Variants in HSPG2 observed in about 807,000 individuals in gnomAD.
The protein encoded by HSPG2 is basement membrane-specific heparan sulfate proteoglycan core protein.
A neutral mutation model predicts 526.6 loss-of-function variants in HSPG2; 278 were observed. That is an observed-to-expected ratio of 0.53 (90% confidence interval 0.48 to 0.58). The LOEUF (loss-of-function observed/expected upper bound fraction) is 0.58, where lower values mean the gene tolerates loss of function less well. HSPG2 is among the 20% of genes least tolerant of loss of function. The pLI is 0.00. For missense variants in HSPG2, 5,354 were observed against 6,099.5 expected (o/e 0.88, Z 4.07); for synonymous variants, 2,465 against 2,555.4 (o/e 0.96, Z 1.07).
rs1271545054 is a variant in HSPG2, at chr1:21,833,381, C to T, written c.10982G>A (p.Arg3661Gln). The change falls in exon 80 of 97, where the codon CGG becomes CAG. Residue 3661 changes from arginine to glutamine, a missense_variant. Physicochemically the swap from Arg to Gln is conservative, Grantham distance 43 (BLOSUM62 1). Transcript: ENST00000374695. The stretch of plus-strand genomic sequence containing the variant: ...GGTCTGCGTGAAGTAGGGCACCACC[C>T]GCTCTGCCAGCAGAGAGCACAGCTG... ...KAFAHLQVPE[R>Q]VVPYFTQTPY... is the part of the protein sequence containing the mutation. 1.9e-6 allele frequency: 3 copies of T among 1,614,124 alleles called. No homozygotes were observed. Among genetic ancestry groups the T allele is most frequent in the South Asian group, 1.1e-5 (1 of 91,072 alleles).
At chr1:21,834,141 A>T (rs985564464) in intron 77 of HSPG2, among the ~76,000 whole-genome samples, 9 of 152,178 alleles carry the variant, frequency 5.9e-5, no homozygotes, top group African/African-American at 1.9e-4. Context: ...TTCACTCCAC[A>T]GCCTGAGACC....
chr1:21,888,694 G>A (rs761621726), intron 6 of HSPG2: 56 of 1,365,484 alleles, frequency 4.1e-5, no homozygotes, highest in Non-Finnish European at 5.5e-5. Context: ...CGCCACAGCG[G>A]CCGGCGGGGG....
chr1:21,842,069 C>A lies in HSPG2; in HGVS notation c.9126G>T (p.Lys3042Asn), dbSNP rs2098050849. 1.2e-6 allele frequency: 2 copies of A among 1,613,634 alleles called. No homozygotes were observed. Among genetic ancestry groups the A allele is most frequent in the Non-Finnish European group, 1.7e-6 (2 of 1,180,016 alleles). Reference protein sequence around the residue: ...TVQQGQDASFKCLIHDGAAPI... With the variant: ...TVQQGQDASFNCLIHDGAAPI... ...GGGCTGCCCCGTCATGGATGAGGCA[C>A]TTGAAGCTGGCATCCTGGCCCTGCT... The change falls in exon 69 of 97, where the codon AAG becomes AAT. Residue 3042 changes from lysine (K) to asparagine (N), a missense_variant. Coordinates refer to ENST00000374695, the MANE Select transcript of HSPG2 (RefSeq NM_005529.7).
In HSPG2 at chr1:21,895,901, A is replaced by G; in HGVS notation, c.244+21T>C. The G allele has an allele frequency of 6.2e-7, 1 of 1,612,980 alleles. No individual in the cohort carries two copies. ...CCTGGGGGACAGGAGGGAGACCTGC[A>G]GGAGGCCTGCAGCAACTTACCCATC... On this transcript the variant is annotated intron_variant, in intron 3 of 96. Coordinates refer to ENST00000374695, the MANE Select transcript of HSPG2 (RefSeq NM_005529.7). This position sits in a 1 kb window ranked among gnomAD's most constrained non-coding sequence, Gnocchi z 4.1.
rs768516414 is a variant in HSPG2 at position 21,874,658 on chromosome 1, A to G, written c.3486T>C (p.His1162=). ...YLGTCERCSC[H]GHSEACEPET... The stretch of plus-strand genomic sequence containing the variant: ...CTGGCTCGCAGGCCTCTGAGTGGCC[A>G]TGGCAGCTGCAGCGTTCACAGGTAC... Residue 1162 remains histidine, a synonymous_variant, in exon 27 of 97, where the codon CAT becomes CAC. Coordinates refer to ENST00000374695, the MANE Select transcript of HSPG2 (RefSeq NM_005529.7). 2.0e-5 allele frequency: 33 copies of G among 1,613,300 alleles called. No individual in the cohort carries two copies. The highest frequency in any genetic ancestry group is 2.8e-5 in the Non-Finnish European group (33 of 1,179,666).
chr1:21,837,254 G>T (rs2098030180), intron 74 of HSPG2, among the ~76,000 whole-genome samples: 1 of 152,184 alleles, frequency 6.6e-6, no homozygotes, highest in Non-Finnish European at 1.5e-5. Flanking sequence ...TTCTGGGTGG[G>T]GAGGGCAGGC....
chr1:21,908,064 G>A (rs748356166), intron 1 of HSPG2: 15 of 749,124 alleles, frequency 2.0e-5, no homozygotes, highest in South Asian at 6.7e-5. Context: ...GCTGCCTTTC[G>A]GCCGGAACCG....
In HSPG2 at chr1:21,865,258, GAC is replaced by G. The variant is rs1557745043; in HGVS notation, c.4395+25_4395+26del. 1.2e-6 allele frequency: 2 copies of G among 1,609,800 alleles called. No homozygotes were observed. The highest frequency in any genetic ancestry group is 4.5e-5 in the East Asian group (2 of 44,838). The stretch of plus-strand genomic sequence containing the variant: ...CAGGGTGGAGGGTGGGGTGGGGTTA[GAC>G]ACAGCATGGCCAGGTGCCCCTTACC... On this transcript the variant is annotated intron_variant, in intron 35 of 96. Coordinates refer to ENST00000374695, the MANE Select transcript of HSPG2 (RefSeq NM_005529.7). The surrounding 1 kb of genome is among the most constrained non-coding windows in gnomAD (Gnocchi z 5.4).
chr1:21,855,872 C>CGGAT lies in HSPG2; in HGVS notation c.5612_5615dup (p.Pro1873SerfsTer113). 6.2e-7 allele frequency: 1 copy of CGGAT among 1,612,432 alleles called. No homozygotes were observed. Among genetic ancestry groups the CGGAT allele is most frequent in the Non-Finnish European group, 8.5e-7 (1 of 1,179,978 alleles). ...GCCCGGGCTGCACTGTGAGCTGTGG[C>CGGAT]GGATGGATGGAGACCACGGGGGCGG... On this transcript the variant is annotated frameshift_variant, in exon 45 of 97. Transcript: ENST00000374695. LOFTEE classifies it high-confidence loss of function.
intron 37 of HSPG2, among the ~76,000 whole-genome samples, chr1:21,863,067 A>AAAACAAAAAAAAAC (rs1639937531): frequency 5.3e-5 from 4 of 75,190 alleles, no homozygotes; most frequent in South Asian, 9.9e-4. Flanking sequence ...TCTCAAAAAA[A>AAAACAAAAAAAAAC]AAAAAAAAAA....
Position 21,823,062 on chromosome 1 carries a change from TC to T in HSPG2, c.*253del, listed in dbSNP as rs2152681452. The stretch of plus-strand genomic sequence containing the variant: ...AGTTCTGGGCCCACCCAGCCACTGT[TC>T]CTGACCCCAAGTCCTGGTGACTTTC... On this transcript the variant is annotated 3_prime_UTR_variant, in exon 97 of 97. Transcript: ENST00000374695. 1 of 404,470 alleles carries T rather than the reference TC, an allele frequency of 2.5e-6. No individual in the cohort carries two copies. Among genetic ancestry groups the T allele is most frequent in the East Asian group, 4.0e-5 (1 of 25,202 alleles). 25.1% of individuals were successfully genotyped at this position (404,470 alleles called of 1,614,324 possible). A position where few individuals can be genotyped will look rare whatever the true frequency, so the allele number is the denominator to read the frequency against.
Position 21,839,400 on chromosome 1 carries a change from G to A in HSPG2, c.9860C>T (p.Ala3287Val). 6.2e-7 allele frequency: 1 copy of A among 1,613,624 alleles called. No individual in the cohort carries two copies. The highest frequency in any genetic ancestry group is 8.5e-7 in the Non-Finnish European group (1 of 1,180,012). ...CACGTGCAGGATGATGGTGGCCTCA[G>A]CGTGCCCAGCAGGGCTAGTGGCATT... ...ICNATSPAGH[A>V]EATIILHVES... The change falls in exon 73 of 97, where the codon GCT (alanine) becomes GTT (valine). Residue 3287 changes from alanine to valine, a missense_variant. Coordinates refer to ENST00000374695, the MANE Select transcript of HSPG2 (RefSeq NM_005529.7). This position sits in a 1 kb window ranked among gnomAD's most constrained non-coding sequence, Gnocchi z 4.5.
intron 1 of HSPG2, among the ~76,000 whole-genome samples, chr1:21,923,864 G>T (rs1262417257): frequency 6.6e-6 from 1 of 152,134 alleles, no homozygotes; most frequent in Admixed American, 6.5e-5. Flanking sequence ...ATGAATGAAC[G>T]GTCCCATTTT....
In HSPG2 at chr1:21,836,953, C is replaced by T. The variant is rs150666616; in HGVS notation, c.10204G>A (p.Val3402Met). ...TSIPAGSTPT[V>M]QVTPQLETKS... ...GTCTCTAGCTGAGGCGTGACCTGCA[C>T]GGTGGGCGTGGACCCTGCTGGGATG... Residue 3402 changes from valine to methionine, a missense_variant, in exon 75 of 97, where the codon GTG becomes ATG. Transcript: ENST00000374695. The T allele has an allele frequency of 2.1e-4, 321 of 1,555,658 alleles. 4 individuals are homozygous for T. In the South Asian group the frequency reaches 2.7e-3, roughly 13 times the overall value.
Position 21,865,243 on chromosome 1 carries a change from G to C in HSPG2, c.4395+42C>G. ...AGCCAGGCTCTGAGTCAGGGTGGAG[G>C]GTGGGGTGGGGTTAGACACAGCATG... is the stretch of plus-strand genomic sequence containing the variant. On this transcript the variant is annotated intron_variant, in intron 35 of 96. Transcript: ENST00000374695. The surrounding 1 kb of genome is among the most constrained non-coding windows in gnomAD (Gnocchi z 5.4). 1 of 1,585,842 alleles carries C rather than the reference G, an allele frequency of 6.3e-7. No individual in the cohort carries two copies. Among genetic ancestry groups the C allele is most frequent in the Non-Finnish European group, 8.7e-7 (1 of 1,154,208 alleles).
intron 81 of HSPG2, among the ~76,000 whole-genome samples, chr1:21,832,207 G>C (rs1427226466): frequency 1.3e-5 from 2 of 152,178 alleles, no homozygotes; most frequent in Admixed American, 1.3e-4. Flanking sequence ...ACCTGTATCA[G>C]TGCCTGGCAC....
At position 21,842,400 on chromosome 1, in the gene HSPG2, A is replaced by T. The variant is rs1287002126; in HGVS notation, c.8911-20T>A. On this transcript the variant is annotated intron_variant, in intron 67 of 96. Transcript: ENST00000374695. ...ATGGGTCTGTCAGAGCAGCGAGGGG[A>T]CAGTTATCAGGGCAAAGTCCCCAGG... The T allele has an allele frequency of 6.9e-6, 11 of 1,587,776 alleles. No homozygotes were observed. In the South Asian group the frequency reaches 1.2e-4, roughly 18 times the overall value.
chr1:21,842,267 G>A lies in HSPG2; in HGVS notation c.9024C>T (p.Thr3008=), dbSNP rs763389929. 1.9e-5 allele frequency: 31 copies of A among 1,613,472 alleles called. No individual in the cohort carries two copies. The highest frequency in any genetic ancestry group is 3.3e-5 in the Admixed American group (2 of 59,966). Residue 3008 remains threonine (T), a synonymous_variant, in exon 68 of 97, where the codon ACC becomes ACT. Coordinates refer to ENST00000374695, the MANE Select transcript of HSPG2 (RefSeq NM_005529.7). ...GPEQEASFTV[T]VPPSEGSSYR... ...AGGAAGACCCCTCACTGGGCGGGAC[G>A]GTGACTGTGAAGGAGGCTTCTTGCT...
chr1:21,850,108 A>G lies in HSPG2; in HGVS notation c.7379T>C (p.Val2460Ala). ...EGQTLDLNCL[V>A]AGQAHAQVTW... ...GACCTGGGCATGGGCCTGACCAGCA[A>G]CGAGGCAGTTCAGGTCCAGGGTCTG... Residue 2460 changes from valine to alanine, a missense_variant, in exon 57 of 97, where the codon GTT (valine) becomes GCT (alanine). Physicochemically the swap from Val to Ala is moderately conservative, Grantham distance 64. Transcript: ENST00000374695. 3 of 1,613,444 alleles carry G rather than the reference A, an allele frequency of 1.9e-6. No homozygotes were observed. The highest frequency in any genetic ancestry group is 2.5e-6 in the Non-Finnish European group (3 of 1,180,016).
Sources: allele counts gnomAD v4.1 joint callset (sites outside exome capture counted in the v4.1 genomes callset), GRCh38; gene constraint gnomAD v4.1.1; non-coding constraint Gnocchi (gnomAD v3.1); transcripts MANE v1.5; gene names NCBI Gene and HGNC (gene_info 2026-07-23, HGNC 2026-07-21).